MACROD2: variants seen among roughly 807,000 people sequenced by gnomAD.
MACROD2 encodes ADP-ribose glycohydrolase MACROD2.
MACROD2 carries 36 observed loss-of-function variants against 70.4 expected under a neutral mutation model. The ratio of observed to expected loss-of-function variants is 0.51; its 90% CI spans 0.39 to 0.68. MACROD2 has a LOEUF of 0.68. Ranked by LOEUF, MACROD2 falls within the 30% of genes least tolerant of loss-of-function variation. MACROD2 has a pLI of 0.00. For missense variants in MACROD2, 496 were observed against 538.4 expected (o/e 0.92, Z 0.78); for synonymous variants, 172 against 178.8 (o/e 0.96, Z 0.30).
chr20:15,096,200 G>A (rs1480409303), intron 5 of MACROD2, among the ~76,000 whole-genome samples: 4 of 151,916 alleles, frequency 2.6e-5, no homozygotes, highest in African/African-American at 9.7e-5. Context: ...TTTCTCCACG[G>A]GGCCAAAGAG....
At chr20:15,804,101 G>A (rs2063748604) in intron 8 of MACROD2, among the ~76,000 whole-genome samples, 2 of 152,170 alleles carry the variant, frequency 1.3e-5, no homozygotes, top group Admixed American at 6.5e-5. Context: ...TCAGTGCTTG[G>A]CTTTTGGATG....
At chr20:15,205,676 T>C (rs2076695307) in intron 5 of MACROD2, among the ~76,000 whole-genome samples, 1 of 151,982 alleles carries the variant, frequency 6.6e-6, no homozygotes, top group African/African-American at 2.4e-5. Context: ...GAAGAGAAAA[T>C]AGATAGAGGT....
intron 8 of MACROD2, among the ~76,000 whole-genome samples, chr20:15,635,326 T>C (rs1024685358): frequency 6.6e-6 from 1 of 152,110 alleles, no homozygotes; most frequent in Non-Finnish European, 1.5e-5. Flanking sequence ...GCAAAACCAG[T>C]GTTTGAGTTT....
intron 6 of MACROD2, among the ~76,000 whole-genome samples, chr20:15,248,740 T>C (rs943763693): frequency 1.3e-5 from 2 of 152,190 alleles, no homozygotes; most frequent in Non-Finnish European, 2.9e-5. Context: ...ATGAGTCTTA[T>C]GCAGTCAGAA....
intron 9 of MACROD2, among the ~76,000 whole-genome samples, chr20:15,883,891 C>T (rs6135588): frequency 0.047 from 7,198 of 151,976 alleles, 346 homozygotes; most frequent in East Asian, 0.24. Flanking sequence ...ATCTGGAGAC[C>T]GATGTTTGAA....
At chr20:14,234,212 AAAAAT>A (rs1317255581) in intron 3 of MACROD2, among the ~76,000 whole-genome samples, 2 of 152,178 alleles carry the variant, frequency 1.3e-5, no homozygotes, top group African/African-American at 4.8e-5. Context: ...CTGCACTACT[AAAAAT>A]AAAAGCAATA....
chr20:15,760,688 C>T (rs1228980694), intron 8 of MACROD2, among the ~76,000 whole-genome samples: 2 of 152,170 alleles, frequency 1.3e-5, no homozygotes, highest in Non-Finnish European at 2.9e-5. Flanking sequence ...TTCAAGCATG[C>T]ACACACCGAC....
chr20:14,436,152 A>G (rs2084053998), intron 3 of MACROD2, among the ~76,000 whole-genome samples: 1 of 151,554 alleles, frequency 6.6e-6, no homozygotes, highest in Non-Finnish European at 1.5e-5. Flanking sequence ...AAGCAAAAGA[A>G]AAAAAAAAGT....
intron 8 of MACROD2, among the ~76,000 whole-genome samples, chr20:15,665,753 T>C (rs2049888441): frequency 6.6e-6 from 1 of 152,214 alleles, no homozygotes; most frequent in Non-Finnish European, 1.5e-5. Context: ...CCTGCTTTCA[T>C]GTGCATGAAG....
chr20:14,731,569 T>C (rs2071597533), intron 5 of MACROD2, among the ~76,000 whole-genome samples: 1 of 152,188 alleles, frequency 6.6e-6, no homozygotes, highest in African/African-American at 2.4e-5. Flanking sequence ...TGCTAATAGT[T>C]ATCTCCTTCA....
intron 5 of MACROD2, among the ~76,000 whole-genome samples, chr20:14,940,148 C>CAAAAAAAAAAAAAAAAAAAAAAAAAAA (rs57697517): frequency 1.8e-5 from 1 of 55,106 alleles, no homozygotes; most frequent in Non-Finnish European, 4.0e-5. Flanking sequence ...CTCATCTCTG[C>CAAAAAAAAAAAAAAAAAAAAAAAAAAA]AAAAAAAAAA....
chr20:14,834,961 A>C (rs930818337), intron 5 of MACROD2, among the ~76,000 whole-genome samples: 9 of 151,974 alleles, frequency 5.9e-5, no homozygotes, highest in Admixed American at 6.6e-5. Context: ...TAGACTCTCT[A>C]TATATACATA....
intron 4 of MACROD2, among the ~76,000 whole-genome samples, chr20:14,575,017 C>CAAAAAAAAAAAAAAAAA (rs1195216470): frequency 1.0e-4 from 5 of 49,952 alleles, no homozygotes; most frequent in African/African-American, 3.6e-4. Context: ...GACTCTGTCT[C>CAAAAAAAAAAAAAAAAA]AAAAAAAAAA....
intron 5 of MACROD2, among the ~76,000 whole-genome samples, chr20:14,690,830 G>A (rs540136918): frequency 1.3e-5 from 2 of 152,254 alleles, no homozygotes; most frequent in East Asian, 1.9e-4. Flanking sequence ...GGGATTTTAC[G>A]GCCACAGAAC....
At chr20:14,987,117 AATTTC>A (rs1169438763) in intron 5 of MACROD2, among the ~76,000 whole-genome samples, 1 of 152,074 alleles carries the variant, frequency 6.6e-6, no homozygotes, top group Non-Finnish European at 1.5e-5. Context: ...GAAAAAAGTT[AATTTC>A]ATTTCTTTTT....
chr20:15,850,698 G>A (rs1213089335), intron 8 of MACROD2, among the ~76,000 whole-genome samples: 1 of 152,202 alleles, frequency 6.6e-6, no homozygotes, highest in Non-Finnish European at 1.5e-5. Flanking sequence ...CACAGCTGAT[G>A]GCAGTCACTG....
At chr20:15,301,928 C>G (rs2077648421) in intron 6 of MACROD2, among the ~76,000 whole-genome samples, 2 of 152,080 alleles carry the variant, frequency 1.3e-5, no homozygotes, top group Non-Finnish European at 2.9e-5. Flanking sequence ...GACAGGAGAA[C>G]AGAAAATCCC....
chr20:14,957,806 A>G lies in MACROD2; in HGVS notation c.419-272134A>G, dbSNP rs372704480. Among the ~76,000 whole-genome samples, 77 of 152,304 alleles carry G rather than the reference A, an allele frequency of 5.1e-4. 2 individuals are homozygous for G. Among genetic ancestry groups the G allele is most frequent in the African/African-American group, 1.9e-3 (77 of 41,570 alleles). On this transcript the variant is annotated intron_variant, in intron 5 of 17. Transcript: ENST00000684519. ...TTTTGGAGCATTGGATTTGTCATCT[A>G]CTTAATATCTCCATCCTTGTTATTT...
intron 8 of MACROD2, among the ~76,000 whole-genome samples, chr20:15,759,155 A>AC (rs1019504066): frequency 6.6e-6 from 1 of 150,974 alleles, no homozygotes; most frequent in African/African-American, 2.4e-5. Context: ...CAAAAAAAAA[A>AC]AAAAAAAAAA....
Sources: gnomAD v4.1 joint callset for allele counts (sites outside exome capture counted in the v4.1 genomes callset) on GRCh38, gnomAD v4.1.1 for gene constraint, MANE v1.5 for transcripts, NCBI Gene and HGNC (gene_info 2026-07-23, HGNC 2026-07-21) for gene names.